Variants in USP5 observed in about 807,000 individuals in gnomAD.
USP5 encodes the protein ubiquitin carboxyl-terminal hydrolase 5.
Under a neutral mutation model 102.5 loss-of-function variants are expected in USP5, and 24 were observed. That is an observed-to-expected ratio of 0.23 (90% CI 0.17 to 0.33). The LOEUF (loss-of-function observed/expected upper bound fraction) is 0.33. USP5 is among the 10% of genes least tolerant of loss of function. The pLI is 1.00. For synonymous variants in USP5, 460 were observed against 434.8 expected, an observed-to-expected ratio of 1.06 and a Z score of -0.72; for missense variants, 753 against 1,122.1, an observed-to-expected ratio of 0.67 and a Z score of 4.70.
Position 6,856,096 on chromosome 12 carries a change from C to T in USP5, c.384C>T (p.Tyr128=), listed in dbSNP as rs149145992. Residue 128 remains tyrosine (Y), a synonymous_variant, in exon 4 of 20, where the codon TAC becomes TAT. Coordinates refer to ENST00000229268, the MANE Select transcript of USP5 (RefSeq NM_001098536.2). This position sits in a 1 kb window ranked among gnomAD's most constrained non-coding sequence, Gnocchi z 5.6. ...TGAAGATTGTCATTTTGCCAGATTACCTGGAGATTGCCCGGGATGGACTGG... is the reference window on the plus strand; with the variant it reads ...TGAAGATTGTCATTTTGCCAGATTATCTGGAGATTGCCCGGGATGGACTGG... The part of the protein sequence containing the change: ...EDVKIVILPD[Y]LEIARDGLGG... 7.2e-3 allele frequency: 11,592 copies of T among 1,614,124 alleles called. 59 individuals are homozygous for T. The highest frequency in any genetic ancestry group is 8.9e-3 in the Non-Finnish European group (10,517 of 1,180,022).
chr12:6,863,735 AT>A lies in USP5; in HGVS notation c.1955-94del. 2.0e-6 allele frequency: 3 copies of A among 1,466,212 alleles called. No individual in the cohort carries two copies. Among genetic ancestry groups the A allele is most frequent in the Non-Finnish European group, 2.7e-6 (3 of 1,102,026 alleles). 90.8% of individuals were successfully genotyped at this position (1,466,212 alleles called of 1,614,324 possible). ...AATCCATGGGAGAAAAATGCATGGA[AT>A]GGGTGATTGGAAGAGGGCTGGGTCC... is the stretch of plus-strand genomic sequence containing the variant. On this transcript the variant is annotated intron_variant, in intron 15 of 19. Coordinates refer to ENST00000229268, the MANE Select transcript of USP5 (RefSeq NM_001098536.2). The surrounding 1 kb of genome is among the most constrained non-coding windows in gnomAD (Gnocchi z 4.7).
At chr12:6,854,399 G>C (rs782230741) in intron 1 of USP5, among the ~76,000 whole-genome samples, 1 of 152,302 alleles carries the variant, frequency 6.6e-6, no homozygotes, top group African/African-American at 2.4e-5. Flanking sequence ...TTCAGCAGGA[G>C]AGGAGGGAGA....
At position 6,856,517 on chromosome 12, in the gene USP5, G is replaced by A; in HGVS notation, c.584+67G>A. On this transcript the variant is annotated intron_variant, in intron 5 of 19. Transcript: ENST00000229268. This position sits in a 1 kb window ranked among gnomAD's most constrained non-coding sequence, Gnocchi z 5.6. ...AAGGACAAGGAGCCCACTTTTCTGG[G>A]GGATCTGGTGGGAGAGAGGGTAGGG... The A allele has an allele frequency of 1.3e-6, 2 of 1,558,292 alleles. No homozygotes were observed. Among genetic ancestry groups the A allele is most frequent in the Non-Finnish European group, 1.7e-6 (2 of 1,153,712 alleles).
chr12:6,856,474 G>A lies in USP5; in HGVS notation c.584+24G>A, dbSNP rs368551360. ...TGGTGAGGCCTGGCCCCTCTGCCTC[G>A]GGCACCACCCCCAGAGCAAGGACAA... On this transcript the variant is annotated intron_variant, in intron 5 of 19. Transcript: ENST00000229268. The surrounding 1 kb of genome is among the most constrained non-coding windows in gnomAD (Gnocchi z 5.6). The A allele has an allele frequency of 1.0e-5, 16 of 1,590,096 alleles. No homozygotes were observed. In the East Asian group the frequency reaches 2.0e-4, roughly 20 times the overall value.
At chr12:6,865,833 C>G in intron 19 of USP5, 151 bp from the exon 20 acceptor site, 2 of 674,106 alleles carry the variant, frequency 3.0e-6, no homozygotes, top group Non-Finnish European at 5.3e-6. Flanking sequence ...GGTTGTGAAG[C>G]TCCCTTAAGG....
rs782650431 is a variant in USP5 at position 6,865,267 on chromosome 12, C to G, written c.2483+19C>G. 1.7e-5 allele frequency: 28 copies of G among 1,604,160 alleles called. No individual in the cohort carries two copies. Among genetic ancestry groups the G allele is most frequent in the East Asian group, 6.7e-5 (3 of 44,768 alleles). ...AAGGCAGGTGAGTGCTGGCCACATG[C>G]GTTTTGAATGGAGAATGGTGGTGGG... On this transcript the variant is annotated intron_variant, in intron 19 of 19. Transcript: ENST00000229268.
chr12:6,857,443 T>G, intron 6 of USP5, 186 bp from the exon 7 acceptor site: 1 of 543,804 alleles, frequency 1.8e-6, no homozygotes, highest in Non-Finnish European at 3.3e-6. Context: ...TCATCTGTCT[T>G]CCCTGACCGT....
intron 1 of USP5, among the ~76,000 whole-genome samples, chr12:6,853,715 A>G (rs1944019571): frequency 6.6e-6 from 1 of 152,176 alleles, no homozygotes; most frequent in South Asian, 2.1e-4. Flanking sequence ...CCAAGTCAAG[A>G]GATTTTCAGT....
In USP5 at chr12:6,864,871, T is replaced by A. The variant is rs782407694; in HGVS notation, c.2394T>A (p.Pro798=). Residue 798 remains proline (P), a synonymous_variant, in exon 18 of 20, where the codon CCT becomes CCA. Coordinates refer to ENST00000229268, the MANE Select transcript of USP5 (RefSeq NM_001098536.2). The surrounding 1 kb of genome is among the most constrained non-coding windows in gnomAD (Gnocchi z 4.8). ...VPVGPKVRDG[P]GKYQLFAFIS... ...TGGGACCTAAAGTCCGGGATGGTCC[T>A]GGAAGTGAGTATCCCCAGGAAGCAG... is the stretch of plus-strand genomic sequence containing the variant. 6.2e-7 allele frequency: 1 copy of A among 1,613,270 alleles called. No individual in the cohort carries two copies. The highest frequency in any genetic ancestry group is 1.1e-5 in the South Asian group (1 of 91,062).
chr12:6,857,128 AG>A (rs1451704073), intron 6 of USP5, among the ~76,000 whole-genome samples: 1 of 152,036 alleles, frequency 6.6e-6, no homozygotes, highest in East Asian at 1.9e-4. Flanking sequence ...TCTCCAAAAA[AG>A]AAAAAAAAAG....
rs1944258342 is a variant in USP5, at chr12:6,860,873, C to T, written c.1345-80C>T. The T allele has an allele frequency of 7.6e-6, 12 of 1,572,968 alleles. No individual in the cohort carries two copies. The highest frequency in any genetic ancestry group is 4.6e-5 in the South Asian group (4 of 86,544). On this transcript the variant is annotated intron_variant, in intron 11 of 19. Coordinates refer to ENST00000229268, the MANE Select transcript of USP5 (RefSeq NM_001098536.2). The surrounding 1 kb of genome is among the most constrained non-coding windows in gnomAD (Gnocchi z 5.5). ...TCCGAGTGGTAGTCTGCCTTCTCTC[C>T]CTGACTCTCCCATGAACCTTTCAGG...
chr12:6,857,585 T>G, intron 6 of USP5, 44 bp from the exon 7 acceptor site: 3 of 1,569,094 alleles, frequency 1.9e-6, no homozygotes, highest in Non-Finnish European at 2.6e-6. Context: ...GCCTGGCTAG[T>G]CCTGAGCCAC....
chr12:6,855,811 G>A lies in USP5; in HGVS notation c.294G>A (p.Arg98=), dbSNP rs371575316. The A allele has an allele frequency of 6.8e-6, 11 of 1,614,178 alleles. No individual in the cohort carries two copies. The highest frequency in any genetic ancestry group is 9.3e-6 in the Non-Finnish European group (11 of 1,180,026). The change falls in exon 3 of 20, where the codon CGG becomes CGA. Residue 98 remains arginine (R), a synonymous_variant. Coordinates refer to ENST00000229268, the MANE Select transcript of USP5 (RefSeq NM_001098536.2). The surrounding 1 kb of genome is among the most constrained non-coding windows in gnomAD (Gnocchi z 4.6). ...ACCCACCCCGGAAGAAGCCCACGCG[G>A]CTGGCTATTGGTGAGCACCGCTGCA... ...TGDPPRKKPT[R]LAIGVEGGFD... is the part of the protein sequence containing the mutation.
Position 6,856,159 on chromosome 12 carries a change from G to T in USP5, c.438+9G>T, listed in dbSNP as rs1022656270. The T allele has an allele frequency of 5.6e-6, 9 of 1,613,870 alleles. No individual in the cohort carries two copies. Among genetic ancestry groups the T allele is most frequent in the Middle Eastern group, 1.6e-4 (1 of 6,078 alleles). ...ACATTGTCAGAGATCGGGTATGACT[G>T]CCCCCTATGCTACCCAAGATTCTAG... On this transcript the variant is annotated intron_variant, in intron 4 of 19. Transcript: ENST00000229268. This position sits in a 1 kb window ranked among gnomAD's most constrained non-coding sequence, Gnocchi z 5.6.
At chr12:6,857,437 C>T (rs782109862) in intron 6 of USP5, 192 bp from the exon 7 acceptor site, 8 of 532,236 alleles carry the variant, frequency 1.5e-5, no homozygotes, top group Non-Finnish European at 2.7e-5. Context: ...CCGGTTTCAT[C>T]TGTCTTCCCT....
Position 6,855,809 on chromosome 12 carries a change from C to G in USP5, c.292C>G (p.Arg98Gly). 1 of 1,614,206 alleles carries G rather than the reference C, an allele frequency of 6.2e-7. No individual in the cohort carries two copies. The highest frequency in any genetic ancestry group is 1.1e-5 in the South Asian group (1 of 91,086). Residue 98 changes from arginine (R) to glycine (G), a missense_variant, in exon 3 of 20, where the codon CGG (arginine) becomes GGG (glycine). By Grantham distance (125) the Arg-to-Gly change is moderately radical (BLOSUM62 -2). Coordinates refer to ENST00000229268, the MANE Select transcript of USP5 (RefSeq NM_001098536.2). The surrounding 1 kb of genome is among the most constrained non-coding windows in gnomAD (Gnocchi z 4.6). ...TGDPPRKKPT[R>G]LAIGVEGGFD... is the part of the protein sequence containing the mutation. ...AGACCCACCCCGGAAGAAGCCCACG[C>G]GGCTGGCTATTGGTGAGCACCGCTG...
intron 1 of USP5, 71 bp downstream of exon 1, chr12:6,852,361 G>C: frequency 1.4e-6 from 2 of 1,466,954 alleles, no homozygotes; most frequent in Non-Finnish European, 1.9e-6. Flanking sequence ...GCTGGGGCCT[G>C]CAAGGCTTGG....
At position 6,856,924 on chromosome 12, in the gene USP5, C is replaced by T; in HGVS notation, c.769+33C>T. 1 of 1,599,592 alleles carries T rather than the reference C, an allele frequency of 6.3e-7. No homozygotes were observed. The highest frequency in any genetic ancestry group is 8.5e-7 in the Non-Finnish European group (1 of 1,171,120). The stretch of plus-strand genomic sequence containing the variant: ...CTCCCCTCCTCCAGCCACTCTCATG[C>T]TTAAATATATTTCATTTGTTAGTAA... On this transcript the variant is annotated intron_variant, in intron 6 of 19. Coordinates refer to ENST00000229268, the MANE Select transcript of USP5 (RefSeq NM_001098536.2). This position sits in a 1 kb window ranked among gnomAD's most constrained non-coding sequence, Gnocchi z 5.6.
rs1555129777 is a variant in USP5 at position 6,862,465 on chromosome 12, C to T, written c.1674-5C>T. 1 of 1,613,686 alleles carries T rather than the reference C, an allele frequency of 6.2e-7. No homozygotes were observed. Among genetic ancestry groups the T allele is most frequent in the Non-Finnish European group, 8.5e-7 (1 of 1,179,644 alleles). Reference sequence around the variant, plus strand: ...CTGGGTACCAGCACAGTCTCTCTTCCCTAGGACCACACGATTTGCCTCATT... The same window carrying T: ...CTGGGTACCAGCACAGTCTCTCTTCTCTAGGACCACACGATTTGCCTCATT... On this transcript the variant is annotated splice_region_variant and splice_polypyrimidine_tract_variant and intron_variant, in intron 13 of 19. Coordinates refer to ENST00000229268, the MANE Select transcript of USP5 (RefSeq NM_001098536.2).
Sources: gnomAD v4.1 joint callset for allele counts (sites outside exome capture counted in the v4.1 genomes callset) on GRCh38, gnomAD v4.1.1 for gene constraint, Gnocchi (gnomAD v3.1) non-coding constraint, MANE v1.5 for transcripts, NCBI Gene and HGNC (gene_info 2026-07-23, HGNC 2026-07-21) for gene names.